PTK2: variants seen among roughly 807,000 people sequenced by gnomAD.
PTK2 encodes the protein focal adhesion kinase 1.
PTK2 carries 45 observed loss-of-function variants against 150.1 expected under a neutral mutation model. The observed-to-expected ratio is 0.30, with a 90% CI of 0.24 to 0.38. PTK2 has a LOEUF of 0.38. Ranked by LOEUF, PTK2 falls within the 10% of genes least tolerant of loss-of-function variation. PTK2 has a pLI of 1.00. For missense variants in PTK2, 919 were observed against 1,307.3 expected (o/e 0.70, Z 4.58); for synonymous variants, 432 against 449.2 (o/e 0.96, Z 0.48).
chr8:140,698,123 C>T (rs1462802986), intron 26 of PTK2, among the ~76,000 whole-genome samples: 2 of 152,122 alleles, frequency 1.3e-5, no homozygotes, highest in African/African-American at 4.8e-5. Context: ...TACTCTGCTG[C>T]CTCCCCCAAG....
intron 14 of PTK2, among the ~76,000 whole-genome samples, chr8:140,766,813 T>G (rs1308477661): frequency 6.6e-6 from 1 of 152,216 alleles, no homozygotes; most frequent in East Asian, 1.9e-4. Context: ...CTGCTTGAGC[T>G]TTGGAAAGTC....
At chr8:140,703,445 C>T (rs1167914239) in intron 24 of PTK2, among the ~76,000 whole-genome samples, 1 of 151,836 alleles carries the variant, frequency 6.6e-6, no homozygotes, top group Non-Finnish European at 1.5e-5. Flanking sequence ...TACTAGAAAA[C>T]AAGAAACTGT....
In PTK2 at chr8:140,856,625, G is replaced by A. The variant is rs369673438; in HGVS notation, c.450+7687C>T. 1.1e-4 allele frequency among the ~76,000 whole-genome samples: 17 copies of A among 152,294 alleles called. No individual in the cohort carries two copies. The East Asian group carries it at 2.5e-3, about 22-fold the overall frequency. Reference sequence around the variant, plus strand: ...GCAATGGTTGCTTGGGGCAATGACTGGGGGCAAGGATTGACTGGGAAGGGT... The same window carrying A: ...GCAATGGTTGCTTGGGGCAATGACTAGGGGCAAGGATTGACTGGGAAGGGT... On this transcript the variant is annotated intron_variant, in intron 5 of 31. Coordinates refer to ENST00000522684, the Ensembl canonical transcript of PTK2.
intron 14 of PTK2, chr8:140,771,100 C>G (rs1377548704): frequency 1.3e-5 from 2 of 155,150 alleles, no homozygotes; most frequent in African/African-American, 4.8e-5. Context: ...CAAATGACAA[C>G]AGTCACAGGA....
chr8:140,777,953 C>G (rs1052250108), intron 14 of PTK2, among the ~76,000 whole-genome samples: 1 of 152,220 alleles, frequency 6.6e-6, no homozygotes, highest in African/African-American at 2.4e-5. Flanking sequence ...GCTCCTCTAT[C>G]CCATAAATAT....
chr8:140,908,774 T>A (rs1390005568), intron 2 of PTK2, among the ~76,000 whole-genome samples: 1 of 152,066 alleles, frequency 6.6e-6, no homozygotes, highest in Non-Finnish European at 1.5e-5. Flanking sequence ...CTAAGACCAG[T>A]TTCCACGGAA....
chr8:140,952,086 C>T (rs1415699898), intron 1 of PTK2, among the ~76,000 whole-genome samples: 2 of 152,080 alleles, frequency 1.3e-5, no homozygotes, highest in African/African-American at 4.8e-5. Context: ...ATTTTTACAG[C>T]TAATGTTGCT....
At position 140,997,655 on chromosome 8, in the gene PTK2, T is replaced by G. The variant is rs377005920; in HGVS notation, c.-122+3470A>C. Reference sequence around the variant, plus strand: ...ACAGTATTTGACTACGTCATGTACATTAGCTGGGCACAGTGACTCATGCCT... The same window carrying G: ...ACAGTATTTGACTACGTCATGTACAGTAGCTGGGCACAGTGACTCATGCCT... On this transcript the variant is annotated intron_variant, in intron 1 of 31. Coordinates refer to ENST00000522684, the Ensembl canonical transcript of PTK2. 7.9e-5 allele frequency among the ~76,000 whole-genome samples: 12 copies of G among 152,338 alleles called. No homozygotes were observed. The East Asian group carries it at 2.3e-3, about 29-fold the overall frequency.
intron 1 of PTK2, among the ~76,000 whole-genome samples, chr8:140,937,427 C>A (rs1253083516): frequency 6.6e-6 from 1 of 151,796 alleles, no homozygotes; most frequent in Non-Finnish European, 1.5e-5. Flanking sequence ...TATTTTTATG[C>A]TCTAAGTATA....
chr8:140,894,061 T>C (rs1367761868), intron 2 of PTK2, among the ~76,000 whole-genome samples: 1 of 152,200 alleles, frequency 6.6e-6, no homozygotes, highest in Non-Finnish European at 1.5e-5. Flanking sequence ...AATTCATAAG[T>C]TGATACCATA....
At chr8:140,716,424 G>A (rs1049633445) in intron 23 of PTK2, among the ~76,000 whole-genome samples, 1 of 152,178 alleles carries the variant, frequency 6.6e-6, no homozygotes, top group Non-Finnish European at 1.5e-5. Context: ...ACAGAGAAAC[G>A]ACAGGTGTTC....
intron 1 of PTK2, among the ~76,000 whole-genome samples, chr8:140,941,448 G>A (rs1200161312): frequency 6.6e-6 from 1 of 152,144 alleles, no homozygotes; most frequent in Admixed American, 6.5e-5. Context: ...AACTTAGGAA[G>A]CCCTACTGTA....
At chr8:140,934,218 C>A (rs1340933958) in intron 1 of PTK2, among the ~76,000 whole-genome samples, 1 of 152,146 alleles carries the variant, frequency 6.6e-6, no homozygotes, top group Non-Finnish European at 1.5e-5. Flanking sequence ...GCTTTCCCCT[C>A]AAAACCTAAT....
intron 2 of PTK2, 101 bp from the exon 3 acceptor site, chr8:140,890,870 T>A (rs779696907): frequency 5.4e-5 from 54 of 996,922 alleles, no homozygotes; most frequent in South Asian, 3.5e-4. Context: ...TCTCTCTTGA[T>A]ATGTTATATG....
At chr8:140,932,862 C>CCTTT (rs10672408) in intron 1 of PTK2, among the ~76,000 whole-genome samples, 5 of 150,024 alleles carry the variant, frequency 3.3e-5, no homozygotes, top group Admixed American at 1.3e-4. Flanking sequence ...CTTCCTTCCC[C>CCTTT]TTTTTTTGAG....
At chr8:140,917,609 ACAAAAC>A (rs1307972837) in intron 2 of PTK2, among the ~76,000 whole-genome samples, 1 of 152,208 alleles carries the variant, frequency 6.6e-6, no homozygotes, top group Non-Finnish European at 1.5e-5. Context: ...AGATTTACCT[ACAAAAC>A]ACTGTATTAA....
At chr8:140,905,093 C>T (rs1025665226) in intron 2 of PTK2, among the ~76,000 whole-genome samples, 4 of 152,068 alleles carry the variant, frequency 2.6e-5, no homozygotes, top group African/African-American at 4.8e-5. Flanking sequence ...GCTAGGGTGT[C>T]GATTTTAGAT....
At chr8:140,892,661 C>A in intron 2 of PTK2, 1 of 411,396 alleles carries the variant, frequency 2.4e-6, no homozygotes, top group Admixed American at 3.4e-5. Context: ...TATAACAGCA[C>A]AGTAAAAGGA....
At chr8:140,957,656 C>T (rs1407760438) in intron 1 of PTK2, among the ~76,000 whole-genome samples, 1 of 152,086 alleles carries the variant, frequency 6.6e-6, no homozygotes, top group Non-Finnish European at 1.5e-5. Flanking sequence ...TGTAAGTGCC[C>T]TATACAGGTA....
Sources: allele counts gnomAD v4.1 joint callset (sites outside exome capture counted in the v4.1 genomes callset), GRCh38; gene constraint gnomAD v4.1.1; transcripts MANE v1.5; gene names NCBI Gene and HGNC (gene_info 2026-07-23, HGNC 2026-07-21).